Variants in FCRL1 observed in about 807,000 individuals in gnomAD.
FCRL1 encodes the protein Fc receptor-like protein 1.
Under a neutral mutation model 49.2 loss-of-function variants are expected in FCRL1, and 34 were observed. The ratio of observed to expected loss-of-function variants is 0.69; its 90% CI spans 0.53 to 0.92. The LOEUF is 0.92. Among genes scored for constraint, FCRL1 ranks in the 40% least tolerant of loss-of-function variants. The pLI is 0.00. For synonymous variants in FCRL1, 218 were observed against 201.6 expected, an observed-to-expected ratio of 1.08 and a Z score of -0.69; for missense variants, 524 against 524.1, an observed-to-expected ratio of 1.00 and a Z score of 0.00.
chr1:157,803,947 T>G lies in FCRL1; in HGVS notation c.217A>C (p.Ile73Leu), dbSNP rs376862410. The change falls in exon 3 of 11, where the codon ATC becomes CTC. Residue 73 changes from isoleucine to leucine, a missense_variant. Transcript: ENST00000368176. ...GTGTCTTCTTTCCACATGGCAGCGA[T>G]CTGGAGCTTGGGGGAGCTGCTCCAG... ...PGWSSSPKLQ[I>L]AAMWKEDTGS... 5 of 1,614,072 alleles carry G rather than the reference T, an allele frequency of 3.1e-6. No individual in the cohort carries two copies. The African/African-American group carries it at 5.3e-5, about 17-fold the overall frequency.
intron 2 of FCRL1, 135 bp downstream of exon 2, chr1:157,806,967 A>T: frequency 1.1e-6 from 1 of 895,718 alleles, no homozygotes. Context: ...TGATGTTTGT[A>T]CACCTCAGCA....
At chr1:157,814,168 T>C (rs2101899509) in intron 1 of FCRL1, among the ~76,000 whole-genome samples, 1 of 152,256 alleles carries the variant, frequency 6.6e-6, no homozygotes, top group South Asian at 2.1e-4. Flanking sequence ...TAGAGGTAAA[T>C]TGATCATTAA....
At position 157,802,665 on chromosome 1, in the gene FCRL1, CT is replaced by C; in HGVS notation, c.320-2del. On this transcript the variant is annotated splice_acceptor_variant, in intron 3 of 10. Transcript: ENST00000368176. LOFTEE classifies it high-confidence loss of function. ...AAGCTCACATCAGCGACAGGGACCC[CT>C]GTGTGGACACAAGATGACATAGGAA... 1 of 1,611,462 alleles carries C rather than the reference CT, an allele frequency of 6.2e-7. No individual in the cohort carries two copies. Among genetic ancestry groups the C allele is most frequent in the Non-Finnish European group, 8.5e-7 (1 of 1,178,616 alleles).
chr1:157,815,811 G>A (rs1157308596), intron 1 of FCRL1, among the ~76,000 whole-genome samples: 1 of 151,820 alleles, frequency 6.6e-6, no homozygotes, highest in Non-Finnish European at 1.5e-5. Flanking sequence ...GATTATAAGA[G>A]ACTATTGTGA....
intron 3 of FCRL1, among the ~76,000 whole-genome samples, chr1:157,803,615 A>C (rs1471693009): frequency 1.3e-5 from 2 of 152,182 alleles, no homozygotes; most frequent in African/African-American, 4.8e-5. Context: ...CACACCCTCC[A>C]GCACAGTGAA....
At chr1:157,809,950 A>G (rs1324350279) in intron 1 of FCRL1, among the ~76,000 whole-genome samples, 1 of 152,000 alleles carries the variant, frequency 6.6e-6, no homozygotes. Flanking sequence ...TTTAGCAAAG[A>G]AACTGAAAAG....
intron 7 of FCRL1, among the ~76,000 whole-genome samples, chr1:157,799,579 A>G (rs1228358257): frequency 6.6e-6 from 1 of 151,760 alleles, no homozygotes; most frequent in African/African-American, 2.4e-5. Flanking sequence ...TGATTTTTGT[A>G]CATTGATTTT....
chr1:157,802,228 T>C (rs567663582), intron 4 of FCRL1, 35 bp from the exon 5 acceptor site: 394 of 1,594,668 alleles, frequency 2.5e-4, no homozygotes, highest in Non-Finnish European at 3.1e-4. Flanking sequence ...AGACAGTCTC[T>C]GACAATGCAG....
chr1:157,808,542 GGTTA>G (rs1262706397), intron 1 of FCRL1, among the ~76,000 whole-genome samples: 1 of 152,216 alleles, frequency 6.6e-6, no homozygotes, highest in Non-Finnish European at 1.5e-5. Flanking sequence ...AGGGGGCAGG[GGTTA>G]GTTATCGGTG....
At position 157,801,569 on chromosome 1, in the gene FCRL1, C is replaced by T; in HGVS notation, c.895G>A (p.Gly299Arg). 1 of 1,611,662 alleles carries T rather than the reference C, an allele frequency of 6.2e-7. No individual in the cohort carries two copies. The highest frequency in any genetic ancestry group is 2.2e-5 in the East Asian group (1 of 44,878). Reference protein sequence around the residue: ...AVTLNFTVPTGARSNHLTSGV... With the variant: ...AVTLNFTVPTRARSNHLTSGV... ...GAGGTAAGATGATTGCTTCTGGCCCCAGTAGGCACTAGAGGGAGAGACCTG... is the reference window on the plus strand; with the variant it reads ...GAGGTAAGATGATTGCTTCTGGCCCTAGTAGGCACTAGAGGGAGAGACCTG... The change falls in exon 6 of 11, where the codon GGG becomes AGG. Residue 299 changes from glycine (G) to arginine (R), a missense_variant. By Grantham distance (125) the Gly-to-Arg change is moderately radical. Coordinates refer to ENST00000368176, the MANE Select transcript of FCRL1 (RefSeq NM_052938.5).
rs770849682 is a variant in FCRL1 at position 157,797,870 on chromosome 1, G to C, written c.1184C>G (p.Ala395Gly). The change falls in exon 9 of 11, where the codon GCA (alanine) becomes GGA (glycine). Residue 395 changes from alanine to glycine, a missense_variant and splice_region_variant. By Grantham distance (60) the Ala-to-Gly change is moderately conservative. Coordinates refer to ENST00000368176, the MANE Select transcript of FCRL1 (RefSeq NM_052938.5). ...YYNQPEQESV[A>G]AETLGTHMED... ...AAATTTACTCCCCCATGTCTCACCT[G>C]CTACTGATTCCTGCTCCGGCTGGTT... 4.3e-6 allele frequency: 7 copies of C among 1,614,154 alleles called. No individual in the cohort carries two copies. The highest frequency in any genetic ancestry group is 2.2e-5 in the East Asian group (1 of 44,892).
rs1488658624 is a variant in FCRL1 at position 157,801,840 on chromosome 1, G to A, written c.886+75C>T. 2.0e-5 allele frequency: 30 copies of A among 1,529,192 alleles called. No individual in the cohort carries two copies. In the African/African-American group the frequency reaches 2.2e-4, roughly 11 times the overall value. 94.7% of individuals were successfully genotyped at this position (1,529,192 alleles called of 1,614,324 possible). The stretch of plus-strand genomic sequence containing the variant: ...TGGGTAGCAAACCCCCGGAAGCACA[G>A]TGGCACCAGCAAAACTCTCCCAGGA... On this transcript the variant is annotated intron_variant, in intron 5 of 10. Coordinates refer to ENST00000368176, the MANE Select transcript of FCRL1 (RefSeq NM_052938.5).
chr1:157,804,198 A>G (rs1338082552), intron 2 of FCRL1, 87 bp from the exon 3 acceptor site: 2 of 1,510,928 alleles, frequency 1.3e-6, no homozygotes, highest in Non-Finnish European at 1.8e-6. Context: ...TGCCAACAAG[A>G]CTCAAAGAAA....
At chr1:157,806,953 C>A in intron 2 of FCRL1, 149 bp downstream of exon 2, 3 of 744,206 alleles carry the variant, frequency 4.0e-6, no homozygotes, top group Non-Finnish European at 6.7e-6. Context: ...CCCAAGGGAG[C>A]CACTGATGTT....
chr1:157,807,010 G>A, intron 2 of FCRL1, 92 bp downstream of exon 2: 1 of 1,422,402 alleles, frequency 7.0e-7, no homozygotes, highest in African/African-American at 1.4e-5. Context: ...GGCAGGAAGG[G>A]GCTGCTAAGA....
chr1:157,800,236 C>T lies in FCRL1; in HGVS notation c.1004-151G>A, dbSNP rs1652222630. The T allele has an allele frequency of 1.2e-5, 7 of 560,452 alleles. No individual in the cohort carries two copies. The Admixed American group carries it at 2.2e-4, about 18-fold the overall frequency. 34.7% of individuals were successfully genotyped at this position (560,452 alleles called of 1,614,324 possible). A position where few individuals can be genotyped will look rare whatever the true frequency, so the allele number is the denominator to read the frequency against. On this transcript the variant is annotated intron_variant, in intron 6 of 10. Coordinates refer to ENST00000368176, the MANE Select transcript of FCRL1 (RefSeq NM_052938.5). ...TGTGCCCAGCAGACATCCTGGCAAT[C>T]ATTTACAGAGCCTTCATTTCACAGA...
At chr1:157,802,814 AT>A in intron 3 of FCRL1, 150 bp from the exon 4 acceptor site, 1 of 736,044 alleles carries the variant, frequency 1.4e-6, no homozygotes, top group South Asian at 1.9e-5. Context: ...GGGTCTGCTG[AT>A]TGGTTGGGTG....
rs776050631 is a variant in FCRL1 at position 157,804,049 on chromosome 1, T to C, written c.115A>G (p.Lys39Glu). 3.7e-6 allele frequency: 6 copies of C among 1,614,090 alleles called. No homozygotes were observed. The highest frequency in any genetic ancestry group is 1.6e-4 in the Middle Eastern group (1 of 6,082). The change falls in exon 3 of 11, where the codon AAG (lysine) becomes GAG (glutamate). Residue 39 changes from lysine (K) to glutamate (E), a missense_variant. Coordinates refer to ENST00000368176, the MANE Select transcript of FCRL1 (RefSeq NM_052938.5). ...TCTGAACTCTGTAGAAAGGGCATCT[T>C]ACACGTCAGGGTCACTGGGCTCCCC... ...TEGSPVTLTC[K>E]MPFLQSSDAQ...
At chr1:157,807,755 A>C (rs1456225831) in intron 1 of FCRL1, among the ~76,000 whole-genome samples, 2 of 152,236 alleles carry the variant, frequency 1.3e-5, no homozygotes, top group African/African-American at 4.8e-5. Flanking sequence ...TCAAGAAAAA[A>C]TAATTCTGGG....
Sources: allele counts gnomAD v4.1 joint callset (sites outside exome capture counted in the v4.1 genomes callset), GRCh38; gene constraint gnomAD v4.1.1; transcripts MANE v1.5; gene names NCBI Gene and HGNC (gene_info 2026-07-23, HGNC 2026-07-21).